The following NXPE2 variants were observed in gnomAD, a reference collection of about 807,000 sequenced individuals.
NXPE2 encodes the protein NXPE family member 2.
A neutral mutation model predicts 34.4 loss-of-function variants in NXPE2; 34 were observed. The ratio of observed to expected loss-of-function variants is 0.99; its 90% confidence interval spans 0.75 to 1.31. The LOEUF is 1.31. NXPE2 is among the 40% of genes most tolerant of loss of function. The pLI is 0.00. For missense variants in NXPE2, 649 were observed against 672.5 expected, an observed-to-expected ratio of 0.97 and a Z score of 0.39; for synonymous variants, 235 against 231.3, an observed-to-expected ratio of 1.02 and a Z score of -0.15.
chr11:114,785,447 G>A, the NXPE2 span, among the ~76,000 whole-genome samples: 3 of 152,158 alleles, frequency 2.0e-5, no homozygotes, highest in East Asian at 5.8e-4. Flanking sequence ...AATAATAATG[G>A]GGTTACTTTT....
the NXPE2 span, among the ~76,000 whole-genome samples, chr11:114,585,049 T>A: frequency 1.3e-5 from 2 of 151,896 alleles, no homozygotes; most frequent in Non-Finnish European, 1.5e-5. Context: ...CTAAAAGGGG[T>A]GTCTGGGTCT....
chr11:114,522,878 C>G, the NXPE2 span: 7 of 1,606,942 alleles, frequency 4.4e-6, no homozygotes, highest in Non-Finnish European at 6.0e-6. Context: ...TAACTACCTA[C>G]TTTTTACAAC....
the NXPE2 span, among the ~76,000 whole-genome samples, chr11:114,634,724 C>A: frequency 6.6e-6 from 1 of 152,044 alleles, no homozygotes; most frequent in African/African-American, 2.4e-5. Context: ...ATAGGGAATA[C>A]TTTCCCCATT....
At chr11:114,613,689 C>T in the NXPE2 span, among the ~76,000 whole-genome samples, 1 of 151,924 alleles carries the variant, frequency 6.6e-6, no homozygotes, top group African/African-American at 2.4e-5. Context: ...AGTGTTGCCT[C>T]GTGGGGAGCC....
the NXPE2 span, among the ~76,000 whole-genome samples, chr11:114,763,283 GTAAAAT>G: frequency 1.3e-5 from 2 of 152,014 alleles, no homozygotes; most frequent in African/African-American, 4.8e-5. Context: ...ACTGATTAAA[GTAAAAT>G]TAATTTTTTG....
the NXPE2 span, among the ~76,000 whole-genome samples, chr11:114,594,033 G>A: frequency 4.6e-5 from 7 of 152,098 alleles, no homozygotes. Context: ...GGGAAGGGTG[G>A]TGGGGGCATG....
the NXPE2 span, among the ~76,000 whole-genome samples, chr11:114,488,384 CT>C: frequency 6.6e-6 from 1 of 151,944 alleles, no homozygotes; most frequent in Non-Finnish European, 1.5e-5. Context: ...GGTCTTCTCT[CT>C]TTTTTTCTTA....
At chr11:114,726,245 C>G in the NXPE2 span, among the ~76,000 whole-genome samples, 1 of 151,850 alleles carries the variant, frequency 6.6e-6, no homozygotes, top group Admixed American at 6.6e-5. Context: ...AAATCATGCT[C>G]CCCTTTTATG....
the NXPE2 span, among the ~76,000 whole-genome samples, chr11:114,591,801 A>T: frequency 3.9e-5 from 6 of 152,128 alleles, no homozygotes; most frequent in Non-Finnish European, 5.9e-5. Context: ...ACAAATCTGT[A>T]GGTGAACAGG....
chr11:114,628,015 T>C, the NXPE2 span, among the ~76,000 whole-genome samples: 1 of 151,636 alleles, frequency 6.6e-6, no homozygotes, highest in Non-Finnish European at 1.5e-5. Context: ...CCTAGATTCA[T>C]AAAGCAAGTC....
chr11:114,560,273 CT>C, the NXPE2 span, among the ~76,000 whole-genome samples: 3,884 of 135,050 alleles, frequency 0.029, 164 homozygotes, highest in African/African-American at 0.095. Context: ...CTTTTTTTTT[CT>C]TTTTTTTTTT....
At chr11:114,663,666 TCA>T in the NXPE2 span, among the ~76,000 whole-genome samples, 4 of 124,286 alleles carry the variant, frequency 3.2e-5, no homozygotes, top group African/African-American at 9.4e-5. Context: ...TATTTATCTA[TCA>T]TCTATCTATT....
intron 3 of NXPE2, among the ~76,000 whole-genome samples, chr11:114,703,766 G>A (rs74718304): frequency 0.016 from 2,412 of 152,202 alleles, 49 homozygotes; most frequent in African/African-American, 0.052. Context: ...GATGGATTGC[G>A]TATGGAGGGT....
the NXPE2 span, chr11:114,530,898 G>A: frequency 6.2e-7 from 1 of 1,605,710 alleles, no homozygotes; most frequent in Non-Finnish European, 8.5e-7. Context: ...TAAGTTTAGA[G>A]CAGACCAAAG....
the NXPE2 span, among the ~76,000 whole-genome samples, chr11:114,620,628 G>A: frequency 6.6e-6 from 1 of 151,948 alleles, no homozygotes; most frequent in Non-Finnish European, 1.5e-5. Context: ...AATAAGTGTT[G>A]CCTCTAGAGT....
chr11:114,540,660 G>A, the NXPE2 span, among the ~76,000 whole-genome samples: 1 of 151,738 alleles, frequency 6.6e-6, no homozygotes, highest in East Asian at 1.9e-4. Context: ...AACTCTGAAC[G>A]AAATGCCAAA....
At chr11:114,694,086 G>A (rs1395596185) in intron 2 of NXPE2, among the ~76,000 whole-genome samples, 1 of 152,124 alleles carries the variant, frequency 6.6e-6, no homozygotes, top group Non-Finnish European at 1.5e-5. Flanking sequence ...AGTGACATTG[G>A]TCTAAATCTT....
chr11:114,709,483 G>C (rs1859569537), downstream of NXPE2, among the ~76,000 whole-genome samples: 4 of 152,152 alleles, frequency 2.6e-5, no homozygotes, highest in Admixed American at 2.6e-4. Flanking sequence ...GGTTATTGCA[G>C]ATAATGACTA....
chr11:114,628,849 G>A, the NXPE2 span, among the ~76,000 whole-genome samples: 72 of 151,916 alleles, frequency 4.7e-4, no homozygotes, highest in East Asian at 0.013. Flanking sequence ...TATCACCACC[G>A]ATCCCACAGA....
Sources: allele counts gnomAD v4.1 joint callset (sites outside exome capture counted in the v4.1 genomes callset), GRCh38; gene constraint gnomAD v4.1.1; transcripts MANE v1.5; gene names NCBI Gene and HGNC (gene_info 2026-07-23, HGNC 2026-07-21).